Variants in CNTNAP2 observed in about 807,000 individuals in gnomAD.
The protein encoded by CNTNAP2 is contactin associated protein 2, also known as contactin-associated protein-like 2.
In CNTNAP2, 98 loss-of-function variants were observed where a neutral mutation model predicts 155.2. That is an observed-to-expected ratio of 0.63 (90% CI 0.54 to 0.75). The LOEUF (loss-of-function observed/expected upper bound fraction) is 0.75. Ranked by LOEUF, CNTNAP2 falls within the 30% of genes least tolerant of loss-of-function variation. The pLI is 0.00. For missense variants in CNTNAP2, 1,727 were observed against 1,688.1 expected (o/e 1.02, Z -0.40); for synonymous variants, 651 against 631.2 (o/e 1.03, Z -0.47).
chr7:147,213,630 T>C (rs532100618), intron 8 of CNTNAP2, among the ~76,000 whole-genome samples: 2 of 152,118 alleles, frequency 1.3e-5, no homozygotes, highest in Non-Finnish European at 2.9e-5. Context: ...ATCAAAAAGA[T>C]ATATGTGAAT....
intron 1 of CNTNAP2, among the ~76,000 whole-genome samples, chr7:146,170,099 T>C (rs955716673): frequency 6.7e-6 from 1 of 150,290 alleles, no homozygotes; most frequent in African/African-American, 2.5e-5. Context: ...CCATCTCGGC[T>C]CACTGCAACC....
At chr7:147,608,419 A>G (rs1020438017) in intron 12 of CNTNAP2, among the ~76,000 whole-genome samples, 2 of 149,242 alleles carry the variant, frequency 1.3e-5, no homozygotes, top group African/African-American at 2.6e-5. Flanking sequence ...ACTGTTACAG[A>G]GCTATCTGGT....
At chr7:146,725,689 A>G (rs918063621) in intron 1 of CNTNAP2, among the ~76,000 whole-genome samples, 1 of 151,972 alleles carries the variant, frequency 6.6e-6, no homozygotes, top group Admixed American at 6.6e-5. Context: ...TTTTGCATGC[A>G]CATCTGATGA....
At chr7:148,049,835 T>C (rs1802852090) in intron 15 of CNTNAP2, among the ~76,000 whole-genome samples, 2 of 152,242 alleles carry the variant, frequency 1.3e-5, no homozygotes, top group African/African-American at 4.8e-5. Flanking sequence ...ATTTTATCAT[T>C]CAAGTGTATT....
chr7:146,315,492 C>T (rs1323901109), intron 1 of CNTNAP2, among the ~76,000 whole-genome samples: 1 of 152,100 alleles, frequency 6.6e-6, no homozygotes, highest in Non-Finnish European at 1.5e-5. Context: ...GGTGTATTTT[C>T]ATAGTTGTCA....
intron 1 of CNTNAP2, among the ~76,000 whole-genome samples, chr7:146,417,887 T>A (rs1358077): frequency 0.036 from 5,479 of 152,164 alleles, 355 homozygotes; most frequent in African/African-American, 0.12. Context: ...AACATATATA[T>A]GTTGAGTGTG....
chr7:148,323,651 T>C (rs1797839074), intron 21 of CNTNAP2, among the ~76,000 whole-genome samples: 1 of 152,166 alleles, frequency 6.6e-6, no homozygotes, highest in Non-Finnish European at 1.5e-5. Flanking sequence ...TGAATAGTTT[T>C]CAATCCACTT....
At chr7:147,178,441 G>A (rs981841766) in intron 8 of CNTNAP2, among the ~76,000 whole-genome samples, 3 of 152,180 alleles carry the variant, frequency 2.0e-5, no homozygotes, top group African/African-American at 7.2e-5. Flanking sequence ...CCAACACTGG[G>A]TTTTAGTCCA....
intron 13 of CNTNAP2, among the ~76,000 whole-genome samples, chr7:147,874,298 G>C (rs891349912): frequency 6.6e-5 from 10 of 152,230 alleles, no homozygotes; most frequent in Non-Finnish European, 1.5e-4. Context: ...AGGGGCCTGT[G>C]CCTGCAGCAA....
intron 10 of CNTNAP2, among the ~76,000 whole-genome samples, chr7:147,398,225 T>C (rs1796852304): frequency 6.6e-6 from 1 of 152,038 alleles, no homozygotes; most frequent in Non-Finnish European, 1.5e-5. Context: ...AGATAATCCT[T>C]TAATGATACA....
At chr7:146,483,005 G>T (rs1014228902) in intron 1 of CNTNAP2, among the ~76,000 whole-genome samples, 1 of 149,954 alleles carries the variant, frequency 6.7e-6, no homozygotes, top group Non-Finnish European at 1.5e-5. Context: ...GGCCGGGTGC[G>T]GTGGCTCACG....
At chr7:148,169,155 C>T (rs751694173) in intron 17 of CNTNAP2, among the ~76,000 whole-genome samples, 1 of 151,990 alleles carries the variant, frequency 6.6e-6, no homozygotes, top group Non-Finnish European at 1.5e-5. Context: ...CAGCAAAAAG[C>T]GAAGAACACA....
At position 146,797,425 on chromosome 7, in the gene CNTNAP2, C is replaced by A. The variant is rs192155438; in HGVS notation, c.208+23044C>A. Among the ~76,000 whole-genome samples, 28 of 152,262 alleles carry A rather than the reference C, an allele frequency of 1.8e-4. No individual in the cohort carries two copies. The East Asian group carries it at 3.5e-3, about 19-fold the overall frequency. On this transcript the variant is annotated intron_variant, in intron 2 of 23. Coordinates refer to ENST00000361727, the MANE Select transcript of CNTNAP2 (RefSeq NM_014141.6). ...GATAAATTTGCATTTTGTCTTAGAG[C>A]TATCTGTAATTCTTAGGAGATTTTA...
chr7:146,903,811 G>A (rs796545687), intron 3 of CNTNAP2, among the ~76,000 whole-genome samples: 3 of 152,226 alleles, frequency 2.0e-5, no homozygotes, highest in African/African-American at 7.2e-5. Flanking sequence ...GCCCCGCATA[G>A]TGACTGCCAT....
intron 18 of CNTNAP2, among the ~76,000 whole-genome samples, chr7:148,174,150 A>G (rs1334584675): frequency 6.6e-6 from 1 of 152,250 alleles, no homozygotes; most frequent in African/African-American, 2.4e-5. Context: ...ATTTGATTCA[A>G]TTAGTGACTT....
At chr7:146,482,932 T>C (rs188211547) in intron 1 of CNTNAP2, among the ~76,000 whole-genome samples, 85 of 152,050 alleles carry the variant, frequency 5.6e-4, no homozygotes, top group African/African-American at 1.9e-3. Flanking sequence ...GTGTTTCTCA[T>C]TTACTATCTC....
chr7:148,352,944 A>G (rs967072464), intron 21 of CNTNAP2, among the ~76,000 whole-genome samples: 2 of 152,174 alleles, frequency 1.3e-5, no homozygotes, highest in South Asian at 2.1e-4. Context: ...AAGTGATTCC[A>G]TCAGTTACCT....
At chr7:147,679,055 C>A (rs561058724) in intron 13 of CNTNAP2, among the ~76,000 whole-genome samples, 1 of 151,918 alleles carries the variant, frequency 6.6e-6, no homozygotes, top group South Asian at 2.1e-4. Context: ...CAAAAGAAAT[C>A]TGTGGTATGT....
At chr7:147,530,834 C>T (rs1799419150) in intron 11 of CNTNAP2, among the ~76,000 whole-genome samples, 1 of 152,194 alleles carries the variant, frequency 6.6e-6, no homozygotes. Flanking sequence ...AGTCCAAAGT[C>T]TCATCTGAGA....
Sources: allele counts gnomAD v4.1 joint callset (sites outside exome capture counted in the v4.1 genomes callset), GRCh38; gene constraint gnomAD v4.1.1; transcripts MANE v1.5; gene names NCBI Gene and HGNC (gene_info 2026-07-23, HGNC 2026-07-21).